The following CACNG2 variants were observed in gnomAD, a reference collection of about 807,000 sequenced individuals.
The protein encoded by CACNG2 is calcium voltage-gated channel auxiliary subunit gamma 2, also known as voltage-dependent calcium channel gamma-2 subunit.
CACNG2 carries 3 observed loss-of-function variants against 25.9 expected under a neutral mutation model. The ratio of observed to expected loss-of-function variants is 0.12; its 90% CI spans 0.05 to 0.30. CACNG2 has a LOEUF of 0.30. CACNG2 is among the 10% of genes least tolerant of loss of function. The pLI is 1.00. For synonymous variants in CACNG2, 167 were observed against 173.3 expected (o/e 0.96, Z 0.29); for missense variants, 341 against 432.5 (o/e 0.79, Z 1.88).
intron 1 of CACNG2, among the ~76,000 whole-genome samples, chr22:36,612,086 C>T (rs1935950715): frequency 6.6e-6 from 1 of 152,198 alleles, no homozygotes. Context: ...GTTCAAGTAT[C>T]AGTAGGACAT....
intron 1 of CACNG2, among the ~76,000 whole-genome samples, chr22:36,677,700 A>G (rs530636314): frequency 7.0e-4 from 107 of 152,216 alleles, no homozygotes; most frequent in Non-Finnish European, 1.4e-3. Context: ...AATGAAGCTG[A>G]AATTACCAGA....
intron 2 of CACNG2, among the ~76,000 whole-genome samples, chr22:36,573,552 G>A (rs9619616): frequency 0.37 from 56,442 of 152,012 alleles, 11,160 homozygotes; most frequent in African/African-American, 0.48. Context: ...GCCTGGTCTC[G>A]AACTTCTGGC....
At chr22:36,585,684 T>C (rs1935490903) in intron 2 of CACNG2, among the ~76,000 whole-genome samples, 1 of 152,234 alleles carries the variant, frequency 6.6e-6, no homozygotes. Context: ...CAGAAAAAGT[T>C]TGCCGACCCC....
intron 1 of CACNG2, among the ~76,000 whole-genome samples, chr22:36,651,688 C>CT (rs5845280): frequency 0.14 from 21,198 of 152,032 alleles, 4,043 homozygotes; most frequent in African/African-American, 0.44. Context: ...GAATATTTGT[C>CT]TTTTTTTGTA....
chr22:36,575,414 T>A (rs1653117838), intron 2 of CACNG2, among the ~76,000 whole-genome samples: 1 of 152,050 alleles, frequency 6.6e-6, no homozygotes, highest in Admixed American at 6.5e-5. Flanking sequence ...CATCACGCTG[T>A]GACATGGTGC....
At chr22:36,687,501 C>A (rs1360677213) in intron 1 of CACNG2, among the ~76,000 whole-genome samples, 1 of 152,164 alleles carries the variant, frequency 6.6e-6, no homozygotes, top group South Asian at 2.1e-4. Context: ...AGCTCTAAAG[C>A]CTTTTCCAGG....
intron 3 of CACNG2, among the ~76,000 whole-genome samples, chr22:36,565,687 G>T (rs965466414): frequency 6.6e-6 from 1 of 152,126 alleles, no homozygotes; most frequent in African/African-American, 2.4e-5. Context: ...TTGAGGCCTC[G>T]CTGTGTTGCC....
At chr22:36,639,959 G>A (rs1309860153) in intron 1 of CACNG2, among the ~76,000 whole-genome samples, 1 of 152,130 alleles carries the variant, frequency 6.6e-6, no homozygotes, top group Non-Finnish European at 1.5e-5. Flanking sequence ...AGTGTCTCCC[G>A]AGTTCCTGTC....
chr22:36,649,202 T>G lies in CACNG2; in HGVS notation c.211+53164A>C, dbSNP rs574165773. On this transcript the variant is annotated intron_variant, in intron 1 of 3. Coordinates refer to ENST00000300105, the MANE Select transcript of CACNG2 (RefSeq NM_006078.5). Reference sequence around the variant, plus strand: ...ATCTTCTGCCGCGGCAGCTCCATCCTTCCAGAGGCACAGACCAGAAAGCTC... The same window carrying G: ...ATCTTCTGCCGCGGCAGCTCCATCCGTCCAGAGGCACAGACCAGAAAGCTC... Among the ~76,000 whole-genome samples the G allele has an allele frequency of 1.5e-4, 23 of 152,300 alleles. 1 individual carries two copies. The highest frequency in any genetic ancestry group is 5.1e-4 in the African/African-American group (21 of 41,566).
rs1186949599 is a variant in CACNG2 at position 36,562,960 on chromosome 22, C to CT, written c.*1390dup. 6.7e-6 allele frequency: 1 copy of CT among 149,684 alleles called. No homozygotes were observed. Among genetic ancestry groups the CT allele is most frequent in the Non-Finnish European group, 1.5e-5 (1 of 67,372 alleles). 9.3% of individuals were successfully genotyped at this position (149,684 alleles called of 1,614,324 possible). ...TATATTCGTTTTCTGTTTTTTTTTT[C>CT]TTTACAAGTTCCCTGCTAAAGTTTA... is the stretch of plus-strand genomic sequence containing the variant. On this transcript the variant is annotated 3_prime_UTR_variant, in exon 4 of 4. Transcript: ENST00000300105.
intron 1 of CACNG2, among the ~76,000 whole-genome samples, chr22:36,672,397 G>A (rs191328147): frequency 1.7e-4 from 26 of 152,240 alleles, no homozygotes; most frequent in Non-Finnish European, 3.2e-4. Flanking sequence ...AACTCAAGCC[G>A]TCCTCCTGCC....
At position 36,702,440 on chromosome 22, in the gene CACNG2, C is replaced by T; in HGVS notation, c.137G>A (p.Ser46Asn). The stretch of plus-strand genomic sequence containing the variant: ...GTTCTTTTTGCTGGTTTCATTCTCA[C>T]TGACACTTTTGGTCTTGCAAACCCC... ...SRGVCKTKSV[S>N]ENETSKKNEE... Residue 46 changes from serine (S) to asparagine (N), a missense_variant, in exon 1 of 4, where the codon AGT becomes AAT. Ser to Asn is a conservative substitution (Grantham distance 46, BLOSUM62 1). Around this residue, in one of 2 missense-constraint regions of CACNG2, gnomAD observed 169 missense variants for 254.4 expected, o/e 0.66. Coordinates refer to ENST00000300105, the MANE Select transcript of CACNG2 (RefSeq NM_006078.5). The T allele has an allele frequency of 6.2e-7, 1 of 1,614,156 alleles. No homozygotes were observed. The highest frequency in any genetic ancestry group is 8.5e-7 in the Non-Finnish European group (1 of 1,180,008).
intron 1 of CACNG2, among the ~76,000 whole-genome samples, chr22:36,605,797 G>C (rs1264415564): frequency 1.3e-5 from 2 of 152,180 alleles, no homozygotes; most frequent in Non-Finnish European, 2.9e-5. Context: ...CAGACTAGTA[G>C]GGGAGAGACC....
chr22:36,686,346 C>T (rs1452874911), intron 1 of CACNG2, among the ~76,000 whole-genome samples: 4 of 152,308 alleles, frequency 2.6e-5, no homozygotes, highest in South Asian at 4.1e-4. Context: ...GAAAAACCTC[C>T]GTTTCTTGGT....
intron 1 of CACNG2, among the ~76,000 whole-genome samples, chr22:36,616,646 A>G (rs1005448129): frequency 6.6e-6 from 1 of 151,686 alleles, no homozygotes; most frequent in African/African-American, 2.4e-5. Context: ...AGGGGTTGAG[A>G]TGCATTTCGT....
intron 1 of CACNG2, among the ~76,000 whole-genome samples, chr22:36,632,787 A>G (rs953387912): frequency 2.0e-5 from 3 of 151,788 alleles, no homozygotes; most frequent in African/African-American, 4.8e-5. Context: ...TAGACCCCTA[A>G]CTGGTGGAGT....
chr22:36,642,964 T>C (rs1432665894), intron 1 of CACNG2, among the ~76,000 whole-genome samples: 1 of 152,292 alleles, frequency 6.6e-6, no homozygotes, highest in South Asian at 2.1e-4. Flanking sequence ...GGTCAGATGG[T>C]AGAAAGAAAT....
At position 36,616,788 on chromosome 22, in the gene CACNG2, A is replaced by G. The variant is rs1184700630; in HGVS notation, c.212-29240T>C. On this transcript the variant is annotated intron_variant, in intron 1 of 3. Transcript: ENST00000300105. ...CTTCCATATTCTTCAAAGCACAACT[A>G]AAATCCTGCCTCCTTTATGAAGTCT... is the stretch of plus-strand genomic sequence containing the variant. Among the ~76,000 whole-genome samples, 4 of 152,182 alleles carry G rather than the reference A, an allele frequency of 2.6e-5. No homozygotes were observed. The East Asian group carries it at 7.7e-4, about 29-fold the overall frequency.
At chr22:36,686,042 A>T (rs924011700) in intron 1 of CACNG2, among the ~76,000 whole-genome samples, 1 of 152,350 alleles carries the variant, frequency 6.6e-6, no homozygotes, top group East Asian at 1.9e-4. Context: ...GAGGAGACAG[A>T]TACTTGAAAA....
Sources: gnomAD v4.1 joint callset for allele counts (sites outside exome capture counted in the v4.1 genomes callset) on GRCh38, gnomAD v4.1.1 for gene constraint, gnomAD v4.1.1 regional missense constraint, MANE v1.5 for transcripts, NCBI Gene and HGNC (gene_info 2026-07-23, HGNC 2026-07-21) for gene names.